NDUFAF2: variants seen among roughly 807,000 people sequenced by gnomAD.
NDUFAF2 encodes NADH dehydrogenase [ubiquinone] 1 alpha subcomplex assembly factor 2.
A neutral mutation model predicts 22.8 loss-of-function variants in NDUFAF2; 13 were observed. The ratio of observed to expected loss-of-function variants is 0.57; its 90% CI spans 0.37 to 0.91. The LOEUF is 0.91. NDUFAF2 is among the 40% of genes least tolerant of loss of function. The pLI is 0.01. For synonymous variants in NDUFAF2, 53 were observed against 64.2 expected, an observed-to-expected ratio of 0.83 and a Z score of 0.84; for missense variants, 162 against 195.2, an observed-to-expected ratio of 0.83 and a Z score of 1.01.
intron 2 of NDUFAF2, among the ~76,000 whole-genome samples, chr5:61,084,220 T>C (rs973929166): frequency 1.1e-5 from 1 of 89,984 alleles, no homozygotes; most frequent in Non-Finnish European, 2.5e-5. Context: ...ATTGAGATTA[T>C]TTTTATGATT....
intron 1 of NDUFAF2, among the ~76,000 whole-genome samples, chr5:61,040,324 A>G (rs928636215): frequency 2.7e-5 from 4 of 150,792 alleles, no homozygotes; most frequent in Non-Finnish European, 4.4e-5. Flanking sequence ...CAGAGATTGG[A>G]GTAATGCAGC....
intron 3 of NDUFAF2, among the ~76,000 whole-genome samples, chr5:61,138,201 G>A (rs1042546283): frequency 2.0e-5 from 3 of 152,178 alleles, no homozygotes; most frequent in Non-Finnish European, 4.4e-5. Context: ...TTAGTGAGAA[G>A]TGGCATGAAA....
At chr5:61,064,562 A>T (rs1752206220) in intron 1 of NDUFAF2, among the ~76,000 whole-genome samples, 1 of 152,114 alleles carries the variant, frequency 6.6e-6, no homozygotes, top group Non-Finnish European at 1.5e-5. Flanking sequence ...TGAAACTATA[A>T]ATCAGTAGCA....
At chr5:60,945,996 C>T (rs763742189) in intron 1 of NDUFAF2, among the ~76,000 whole-genome samples, 7 of 152,172 alleles carry the variant, frequency 4.6e-5, no homozygotes, top group Non-Finnish European at 1.0e-4. Flanking sequence ...TGATTCCTTT[C>T]TCGGGAGTTG....
At chr5:60,956,690 C>T (rs935190341) in intron 1 of NDUFAF2, among the ~76,000 whole-genome samples, 3 of 151,976 alleles carry the variant, frequency 2.0e-5, no homozygotes, top group South Asian at 2.1e-4. Flanking sequence ...GTTACTTATA[C>T]GTTTATAAAA....
At chr5:61,048,948 G>A (rs530732899) in intron 1 of NDUFAF2, among the ~76,000 whole-genome samples, 58 of 152,170 alleles carry the variant, frequency 3.8e-4, no homozygotes, top group East Asian at 7.7e-4. Flanking sequence ...GTTATGTCTC[G>A]TTGTTTTTGA....
chr5:61,058,695 C>T (rs248686), intron 1 of NDUFAF2, among the ~76,000 whole-genome samples: 123,737 of 151,906 alleles, frequency 0.81, 50,928 homozygotes, highest in East Asian at 1. Context: ...ATTTTTCTGA[C>T]ATTTTGTTAA....
intron 2 of NDUFAF2, among the ~76,000 whole-genome samples, chr5:61,097,583 A>G (rs1580132230): frequency 1.3e-5 from 2 of 152,338 alleles, no homozygotes; most frequent in East Asian, 3.9e-4. Context: ...TGGTGAATGG[A>G]TAAAGCTAAG....
chr5:60,998,467 G>A (rs914070525), intron 1 of NDUFAF2, among the ~76,000 whole-genome samples: 2 of 152,044 alleles, frequency 1.3e-5, no homozygotes, highest in African/African-American at 2.4e-5. Flanking sequence ...AATATGTGGA[G>A]TAGGCTTATA....
At chr5:60,998,216 T>C (rs1393162968) in intron 1 of NDUFAF2, among the ~76,000 whole-genome samples, 3 of 152,292 alleles carry the variant, frequency 2.0e-5, no homozygotes, top group South Asian at 4.1e-4. Context: ...CTAATTGTTA[T>C]TGGTAACATT....
intron 3 of NDUFAF2, among the ~76,000 whole-genome samples, chr5:61,149,840 C>A (rs1741200953): frequency 6.6e-6 from 1 of 152,134 alleles, no homozygotes. Flanking sequence ...TCTTAAAAGT[C>A]CTTAAGGTCT....
chr5:60,950,289 C>A (rs558276926), intron 1 of NDUFAF2, among the ~76,000 whole-genome samples: 2 of 152,166 alleles, frequency 1.3e-5, no homozygotes, highest in South Asian at 2.1e-4. Context: ...TGGTTTCAAG[C>A]GATTTTTCTG....
chr5:61,152,384 G>T (rs1741256704), intron 3 of NDUFAF2, among the ~76,000 whole-genome samples: 1 of 151,968 alleles, frequency 6.6e-6, no homozygotes, highest in Non-Finnish European at 1.5e-5. Context: ...TTAAGCTTAG[G>T]AAATCTTTCA....
At chr5:60,974,613 A>G (rs972352961) in intron 1 of NDUFAF2, among the ~76,000 whole-genome samples, 8 of 151,938 alleles carry the variant, frequency 5.3e-5, no homozygotes, top group Non-Finnish European at 1.0e-4. Flanking sequence ...TCGCATCCCA[A>G]AGTGCTGGGA....
intron 1 of NDUFAF2, among the ~76,000 whole-genome samples, chr5:61,020,554 T>TGTGC (rs1751564981): frequency 6.6e-6 from 1 of 151,020 alleles, no homozygotes; most frequent in African/African-American, 2.4e-5. Flanking sequence ...GTTATGTGTG[T>TGTGC]GTGTGTGTGT....
At chr5:61,069,563 A>G (rs922495962) in intron 1 of NDUFAF2, among the ~76,000 whole-genome samples, 2 of 152,178 alleles carry the variant, frequency 1.3e-5, no homozygotes, top group African/African-American at 4.8e-5. Flanking sequence ...TGTAAAGAAA[A>G]ATATTAGGTT....
rs908299388 is a variant in NDUFAF2 at position 61,045,093 on chromosome 5, TAA to T, written c.128-28030_128-28029del. On this transcript the variant is annotated intron_variant, in intron 1 of 3. Coordinates refer to ENST00000296597, the MANE Select transcript of NDUFAF2 (RefSeq NM_174889.5). The stretch of plus-strand genomic sequence containing the variant: ...TTTATTAAAATTTAATAAAATAAAA[TAA>T]AGTTTTATTAAAATTTAATAAAATA... Among the ~76,000 whole-genome samples, 37 of 141,418 alleles carry T rather than the reference TAA, an allele frequency of 2.6e-4. 1 individual carries two copies. The highest frequency in any genetic ancestry group is 7.9e-4 in the African/African-American group (31 of 39,152). The allele number at this position is 141,418 out of a possible 152,430, so 92.8% of individuals were successfully genotyped here.
intron 1 of NDUFAF2, among the ~76,000 whole-genome samples, chr5:61,065,944 T>C (rs1752222025): frequency 6.6e-6 from 1 of 151,858 alleles, no homozygotes; most frequent in Non-Finnish European, 1.5e-5. Context: ...TAAAAAAAAT[T>C]TTAAGATTTT....
At chr5:61,092,115 T>C (rs1378071614) in intron 2 of NDUFAF2, among the ~76,000 whole-genome samples, 3 of 152,204 alleles carry the variant, frequency 2.0e-5, no homozygotes, top group African/African-American at 7.2e-5. Context: ...TAGTTTGAAG[T>C]TGGGTAGTGT....
Sources: allele counts gnomAD v4.1 joint callset (sites outside exome capture counted in the v4.1 genomes callset), GRCh38; gene constraint gnomAD v4.1.1; transcripts MANE v1.5; gene names NCBI Gene and HGNC (gene_info 2026-07-23, HGNC 2026-07-21).